Variants in VSIG10 observed in about 807,000 individuals in gnomAD.
The protein encoded by VSIG10 is V-set and immunoglobulin domain-containing protein 10.
A neutral mutation model predicts 58.7 loss-of-function variants in VSIG10; 48 were observed. The observed-to-expected ratio is 0.82, with a 90% CI of 0.65 to 1.04. The LOEUF (loss-of-function observed/expected upper bound fraction) is 1.04, where lower values mean the gene tolerates loss of function less well. Among genes scored for constraint, VSIG10 ranks in the 50% least tolerant of loss-of-function variants. The pLI, the probability that VSIG10 is intolerant of heterozygous loss-of-function variation, is 0.00. For missense variants in VSIG10, 628 were observed against 670.0 expected (o/e 0.94, Z 0.69); for synonymous variants, 260 against 267.1 (o/e 0.97, Z 0.26).
intron 2 of VSIG10, among the ~76,000 whole-genome samples, chr12:118,090,384 T>A (rs962200054): frequency 8.5e-5 from 13 of 152,230 alleles, no homozygotes; most frequent in African/African-American, 2.7e-4. Flanking sequence ...CTTAACTTGA[T>A]TGTATCTGCA....
intron 2 of VSIG10, among the ~76,000 whole-genome samples, chr12:118,093,041 G>A (rs1156430629): frequency 1.3e-5 from 2 of 151,668 alleles, no homozygotes; most frequent in Admixed American, 6.6e-5. Flanking sequence ...TGTAATCCCA[G>A]CACTTTGGGA....
intron 1 of VSIG10, among the ~76,000 whole-genome samples, chr12:118,100,584 G>A (rs1693711702): frequency 6.6e-6 from 1 of 152,062 alleles, no homozygotes; most frequent in African/African-American, 2.4e-5. Context: ...AGGCTGGAGT[G>A]CAAGGCGTAA....
chr12:118,082,014 T>C (rs2032967204), intron 3 of VSIG10, 113 bp downstream of exon 3: 2 of 1,026,388 alleles, frequency 1.9e-6, no homozygotes, highest in Middle Eastern at 3.2e-4. Flanking sequence ...GGAAACTCCA[T>C]CTTAAAAAAA....
In VSIG10 at chr12:118,103,634, A is replaced by T. The variant is rs2033677537; in HGVS notation, c.38T>A (p.Leu13His). The T allele has an allele frequency of 6.6e-7, 1 of 1,511,710 alleles. No individual in the cohort carries two copies. Among genetic ancestry groups the T allele is most frequent in the Non-Finnish European group, 8.8e-7 (1 of 1,136,092 alleles). 93.6% of individuals were successfully genotyped at this position (1,511,710 alleles called of 1,614,324 possible). The change falls in exon 1 of 9, where the codon CTC becomes CAC. Residue 13 changes from leucine to histidine, a missense_variant. By Grantham distance (99) the Leu-to-His change is moderately conservative (BLOSUM62 -3). Coordinates refer to ENST00000359236, the MANE Select transcript of VSIG10 (RefSeq NM_019086.6). ...GGCCAGGAGCGCCCCGAGGCAGACG[A>T]GGACGCGGGGCTCGGGCGCACTGCC... ...AGGSAPEPRVLVCLGALLAGW... is the reference protein window; with the variant it reads ...AGGSAPEPRVHVCLGALLAGW...
At chr12:118,089,985 G>A (rs1391628867) in intron 2 of VSIG10, among the ~76,000 whole-genome samples, 2 of 152,110 alleles carry the variant, frequency 1.3e-5, no homozygotes, top group Non-Finnish European at 2.9e-5. Context: ...CACCCCTGCT[G>A]GAAGCTCCCG....
In VSIG10 at chr12:118,068,522, TTCCTCCTCC is replaced by T. The variant is rs67582641; in HGVS notation, c.1413_1421del (p.Glu472_Glu474del). ...CCTCCTGTTCCCCTACTGCAGCATC[TTCCTCCTCC>T]TCCTCCTCCTCCTCCTCTTCCTCTT... is the stretch of plus-strand genomic sequence containing the variant. On this transcript the variant is annotated inframe_deletion, in exon 8 of 9. Coordinates refer to ENST00000359236, the MANE Select transcript of VSIG10 (RefSeq NM_019086.6). The T allele has an allele frequency of 5.1e-5, 81 of 1,598,676 alleles. No individual in the cohort carries two copies. The highest frequency in any genetic ancestry group is 1.8e-4 in the East Asian group (8 of 43,376).
Position 118,102,418 on chromosome 12 carries a change from G to A in VSIG10, c.79+1175C>T, listed in dbSNP as rs139087449. 791 of 152,302 alleles carry A rather than the reference G, an allele frequency of 5.2e-3. 2 individuals are homozygous for A. Among genetic ancestry groups the A allele is most frequent in the Non-Finnish European group, 9.3e-3 (634 of 68,112 alleles). The allele number at this position is 152,302 out of a possible 1,614,324, so 9.4% of individuals were successfully genotyped here. A position where few individuals can be genotyped will look rare whatever the true frequency, so the allele number is the denominator to read the frequency against. On this transcript the variant is annotated intron_variant, in intron 1 of 8. Transcript: ENST00000359236. ...GGTAACACCCATGACTGAAGGTGGC[G>A]GGGCAAATATTACAACAGGGAGAGG...
intron 2 of VSIG10, among the ~76,000 whole-genome samples, chr12:118,084,762 C>T (rs71452631): frequency 0.15 from 22,711 of 152,140 alleles, 2,038 homozygotes; most frequent in African/African-American, 0.25. Context: ...GCCTGTAATC[C>T]CAGCTACTCA....
intron 2 of VSIG10, among the ~76,000 whole-genome samples, chr12:118,094,718 G>A (rs1231918777): frequency 6.7e-6 from 1 of 149,784 alleles, no homozygotes; most frequent in Non-Finnish European, 1.5e-5. Context: ...ATTCTTCACA[G>A]CAATTCTAAG....
At chr12:118,100,961 C>G (rs1007250257) in intron 1 of VSIG10, among the ~76,000 whole-genome samples, 11 of 152,206 alleles carry the variant, frequency 7.2e-5, no homozygotes, top group Non-Finnish European at 1.2e-4. Context: ...TGCCCCTTGC[C>G]TAACTCCTTG....
rs557593034 is a variant in VSIG10 at position 118,075,890 on chromosome 12, GCC to G, written c.926-1900_926-1899del. Among the ~76,000 whole-genome samples, 148 of 152,298 alleles carry G rather than the reference GCC, an allele frequency of 9.7e-4. 1 individual carries two copies. The highest frequency in any genetic ancestry group is 2.9e-3 in the South Asian group (14 of 4,824). On this transcript the variant is annotated intron_variant, in intron 4 of 8. Transcript: ENST00000359236. ...CAGCTAGGATTCAGAGTGATCAACT[GCC>G]CCAGTCTGCCCAGGACGTGGAGTAT...
Position 118,073,828 on chromosome 12 carries a change from T to TAATGAGATGGCGGC in VSIG10, c.1076_1089dup (p.Thr364AlafsTer36). ...AGGGTGGAGTTCTGGCCATCCTGGG[T>TAATGAGATGGCGGC]AATGAGATGGCGGCTGCTAGGCTGG... On this transcript the variant is annotated frameshift_variant, in exon 5 of 9. Coordinates refer to ENST00000359236, the MANE Select transcript of VSIG10 (RefSeq NM_019086.6). LOFTEE classifies it high-confidence loss of function. The TAATGAGATGGCGGC allele has an allele frequency of 6.2e-7, 1 of 1,613,924 alleles. No individual in the cohort carries two copies. Among genetic ancestry groups the TAATGAGATGGCGGC allele is most frequent in the Non-Finnish European group, 8.5e-7 (1 of 1,179,868 alleles).
intron 2 of VSIG10, 144 bp from the exon 3 acceptor site, chr12:118,082,573 A>G (rs994352153): frequency 2.4e-6 from 2 of 825,324 alleles, no homozygotes; most frequent in East Asian, 2.7e-5. Context: ...ATGCTATGCC[A>G]AGTGCCCTGA....
chr12:118,090,747 G>A (rs539957006), intron 2 of VSIG10, among the ~76,000 whole-genome samples: 1 of 152,182 alleles, frequency 6.6e-6, no homozygotes, highest in Admixed American at 6.6e-5. Flanking sequence ...TGATCTCCTG[G>A]GCTCAAGCGA....
In VSIG10 at chr12:118,079,334, A is replaced by C; in HGVS notation, c.925+12T>G. On this transcript the variant is annotated intron_variant, in intron 4 of 8. Coordinates refer to ENST00000359236, the MANE Select transcript of VSIG10 (RefSeq NM_019086.6). Reference sequence around the variant, plus strand: ...GAAACTCCAACCCCAAGACAAAGCAAAACAGACTCACTGATCTGCACCATG... The same window carrying C: ...GAAACTCCAACCCCAAGACAAAGCACAACAGACTCACTGATCTGCACCATG... 6.2e-7 allele frequency: 1 copy of C among 1,612,030 alleles called. No individual in the cohort carries two copies. The highest frequency in any genetic ancestry group is 8.5e-7 in the Non-Finnish European group (1 of 1,178,246).
chr12:118,073,195 T>C (rs529785578), intron 5 of VSIG10, among the ~76,000 whole-genome samples: 38 of 152,202 alleles, frequency 2.5e-4, no homozygotes, highest in South Asian at 6.2e-4. Context: ...CCAAGTAATT[T>C]TGTATTTTTA....
At chr12:118,099,519 C>T (rs1042330313) in intron 1 of VSIG10, among the ~76,000 whole-genome samples, 1 of 152,128 alleles carries the variant, frequency 6.6e-6, no homozygotes, top group Non-Finnish European at 1.5e-5. Context: ...GAAGCAAATG[C>T]AACCCATTTT....
At position 118,068,463 on chromosome 12, in the gene VSIG10, A is replaced by T. The variant is rs1472609709; in HGVS notation, c.1481T>A (p.Ile494Lys). 6.2e-7 allele frequency: 1 copy of T among 1,613,390 alleles called. No homozygotes were observed. The highest frequency in any genetic ancestry group is 1.7e-5 in the Admixed American group (1 of 59,930). ...TCTGTGAATGTGGTCCTGCTTAGGT[A>T]TTTCTTTTGGCAACTCCTCTCTCTC... ...AREREELPKE[I>K]PKQDHIHRVT... Residue 494 changes from isoleucine to lysine, a missense_variant, in exon 8 of 9, where the codon ATA becomes AAA. Transcript: ENST00000359236.
rs1432067199 is a variant in VSIG10, at chr12:118,082,122, C to T, written c.664+5G>A. On this transcript the variant is annotated splice_donor_5th_base_variant and intron_variant, in intron 3 of 8. Transcript: ENST00000359236. ...AAGCGGGGCAGAGGAGTGCTGCTTA[C>T]GCACAGTAGACCAGGAGCTCGGTGG... 8 of 1,612,324 alleles carry T rather than the reference C, an allele frequency of 5.0e-6. No individual in the cohort carries two copies. Among genetic ancestry groups the T allele is most frequent in the Admixed American group, 1.7e-5 (1 of 59,914 alleles).
Sources: gnomAD v4.1 joint callset for allele counts (sites outside exome capture counted in the v4.1 genomes callset) on GRCh38, gnomAD v4.1.1 for gene constraint, MANE v1.5 for transcripts, NCBI Gene and HGNC (gene_info 2026-07-23, HGNC 2026-07-21) for gene names.